The following MAPK10 variants were observed in gnomAD, a reference collection of about 807,000 sequenced individuals.
MAPK10 encodes the protein mitogen-activated protein kinase 10.
In MAPK10, 25 loss-of-function variants were observed where a neutral mutation model predicts 59.3. That is an observed-to-expected ratio of 0.42 (90% CI 0.31 to 0.59). The LOEUF is 0.59. Among genes scored for constraint, MAPK10 ranks in the 20% least tolerant of loss-of-function variants. The probability of loss-of-function intolerance (pLI) is 0.15; values close to 1 mark genes in which losing one functional copy is unlikely to be tolerated. For missense variants in MAPK10, 351 were observed against 568.9 expected (o/e 0.62, Z 3.90); for synonymous variants, 190 against 200.5 (o/e 0.95, Z 0.44).
intron 9 of MAPK10, among the ~76,000 whole-genome samples, chr4:86,079,139 A>C (rs1035776940): frequency 3.3e-5 from 5 of 152,212 alleles, no homozygotes; most frequent in African/African-American, 1.2e-4. Context: ...CATCTGTTTT[A>C]ATTATAAATG....
At chr4:86,482,572 T>C (rs1425695114) in intron 1 of MAPK10, among the ~76,000 whole-genome samples, 2 of 152,180 alleles carry the variant, frequency 1.3e-5, no homozygotes, top group Non-Finnish European at 2.9e-5. Flanking sequence ...TATGCCTTGT[T>C]CCAACAATGA....
At position 86,060,018 on chromosome 4, in the gene MAPK10, C is replaced by A. The variant is rs111353477; in HGVS notation, c.1110+4248G>T. Among the ~76,000 whole-genome samples the A allele has an allele frequency of 4.5e-3, 686 of 152,300 alleles. 3 individuals are homozygous for A. The highest frequency in any genetic ancestry group is 6.7e-3 in the Non-Finnish European group (458 of 68,036). On this transcript the variant is annotated intron_variant, in intron 11 of 13. Coordinates refer to ENST00000641462, the MANE Select transcript of MAPK10 (RefSeq NM_138982.4). ...CCTGATTCCCAGAGTAAGGTTTCAG[C>A]CATTAAGAACTGTCTCTGGGCATCT...
intron 1 of MAPK10, among the ~76,000 whole-genome samples, chr4:86,499,252 G>T (rs1490252215): frequency 6.6e-6 from 1 of 152,144 alleles, no homozygotes; most frequent in Non-Finnish European, 1.5e-5. Context: ...AAAAGGAAAA[G>T]TAGCTTTATA....
At chr4:86,262,809 C>A (rs2094057944) in intron 2 of MAPK10, among the ~76,000 whole-genome samples, 1 of 152,172 alleles carries the variant, frequency 6.6e-6, no homozygotes, top group African/African-American at 2.4e-5. Context: ...TGATTCTCTG[C>A]CTAACATCTT....
intron 1 of MAPK10, among the ~76,000 whole-genome samples, chr4:86,580,507 A>G (rs1762191899): frequency 1.3e-5 from 2 of 152,122 alleles, no homozygotes; most frequent in Non-Finnish European, 2.9e-5. Context: ...TCAGAAAAAA[A>G]AAAGTAAATC....
chr4:86,391,667 A>G (rs1742203188), intron 1 of MAPK10, among the ~76,000 whole-genome samples: 1 of 152,166 alleles, frequency 6.6e-6, no homozygotes, highest in Non-Finnish European at 1.5e-5. Flanking sequence ...TCCTGCATTG[A>G]CTCTGAGATT....
At chr4:86,484,960 G>A (rs1753876239) in intron 1 of MAPK10, among the ~76,000 whole-genome samples, 1 of 152,180 alleles carries the variant, frequency 6.6e-6, no homozygotes, top group African/African-American at 2.4e-5. Context: ...CTAAGAGAGA[G>A]CAGTCAGGAG....
rs1263980824 is a variant in MAPK10 at position 86,011,816 on chromosome 4, C to T, written c.*5412G>A. On this transcript the variant is annotated 3_prime_UTR_variant, in exon 14 of 14. Transcript: ENST00000641462. ...ATAATGTGTATGTTTATCTTCCAGG[C>T]TTTCTAATAGTTAATTGGTTAAATA... 4 of 152,094 alleles carry T rather than the reference C, an allele frequency of 2.6e-5. No individual in the cohort carries two copies. Among genetic ancestry groups the T allele is most frequent in the Non-Finnish European group, 5.9e-5 (4 of 68,010 alleles). 9.4% of individuals were successfully genotyped at this position (152,094 alleles called of 1,614,324 possible).
chr4:86,566,052 C>T (rs768196819), intron 1 of MAPK10, among the ~76,000 whole-genome samples: 4 of 152,186 alleles, frequency 2.6e-5, no homozygotes, highest in Non-Finnish European at 5.9e-5. Context: ...CTTTTCCAAT[C>T]ATCTCCCTAC....
At chr4:86,030,307 AT>A (rs960493821) in intron 12 of MAPK10, among the ~76,000 whole-genome samples, 3 of 151,942 alleles carry the variant, frequency 2.0e-5, no homozygotes, top group Non-Finnish European at 4.4e-5. Context: ...ATCTTTTAAA[AT>A]TTTTTTATTT....
chr4:86,570,608 T>C (rs1269428050), intron 1 of MAPK10, among the ~76,000 whole-genome samples: 1 of 152,156 alleles, frequency 6.6e-6, no homozygotes, highest in Non-Finnish European at 1.5e-5. Context: ...CAGAAAAAGT[T>C]TGCTGATCCC....
chr4:86,577,152 C>CA (rs987233951), intron 1 of MAPK10, among the ~76,000 whole-genome samples: 16 of 151,818 alleles, frequency 1.1e-4, no homozygotes, highest in Non-Finnish European at 1.5e-5. Context: ...CCCACCTCTA[C>CA]AAAAAATAAT....
intron 2 of MAPK10, among the ~76,000 whole-genome samples, chr4:86,234,002 G>T (rs570197096): frequency 1.4e-4 from 21 of 152,272 alleles, no homozygotes; most frequent in Non-Finnish European, 3.1e-4. Context: ...AAACCAAGAA[G>T]AATGTGTAAA....
At chr4:86,269,166 T>C (rs1432786044) in intron 2 of MAPK10, among the ~76,000 whole-genome samples, 3 of 152,192 alleles carry the variant, frequency 2.0e-5, no homozygotes, top group Admixed American at 2.0e-4. Context: ...TGCAATGTGA[T>C]ATTCTCAGTG....
upstream of MAPK10, among the ~76,000 whole-genome samples, chr4:86,455,742 A>C (rs921561805): frequency 2.0e-5 from 3 of 152,210 alleles, no homozygotes; most frequent in Admixed American, 1.3e-4. Flanking sequence ...AGCACTAGAC[A>C]GGACATCAAG....
chr4:86,021,920 C>T (rs1747242395), intron 13 of MAPK10, among the ~76,000 whole-genome samples: 1 of 152,242 alleles, frequency 6.6e-6, no homozygotes, highest in African/African-American at 2.4e-5. Context: ...CCCGCCAAGC[C>T]CACGCCTACC....
At chr4:86,046,187 G>GC (rs2042461876) in intron 11 of MAPK10, among the ~76,000 whole-genome samples, 1 of 151,684 alleles carries the variant, frequency 6.6e-6, no homozygotes, top group South Asian at 2.1e-4. Flanking sequence ...TTGCTTATCA[G>GC]CTTAAGGAGA....
intron 1 of MAPK10, among the ~76,000 whole-genome samples, chr4:86,434,165 G>A (rs966895101): frequency 1.3e-5 from 2 of 152,124 alleles, no homozygotes; most frequent in Admixed American, 1.3e-4. Context: ...TTCAATAGAC[G>A]ATACTGGGAA....
At chr4:86,413,857 A>G (rs988387301) in intron 1 of MAPK10, among the ~76,000 whole-genome samples, 2 of 151,898 alleles carry the variant, frequency 1.3e-5, no homozygotes, top group Non-Finnish European at 2.9e-5. Context: ...GAAATCCCCC[A>G]ACCCCTTGTG....
Sources: allele counts gnomAD v4.1 joint callset (sites outside exome capture counted in the v4.1 genomes callset), GRCh38; gene constraint gnomAD v4.1.1; transcripts MANE v1.5; gene names NCBI Gene and HGNC (gene_info 2026-07-23, HGNC 2026-07-21).